The following STAU2 variants were observed in gnomAD, a reference collection of about 807,000 sequenced individuals.
The protein encoded by STAU2 is staufen double-stranded RNA binding protein 2, also known as double-stranded RNA-binding protein Staufen homolog 2.
Under a neutral mutation model 65.9 loss-of-function variants are expected in STAU2, and 20 were observed. That is an observed-to-expected ratio of 0.30 (90% CI 0.21 to 0.44). STAU2 has a LOEUF of 0.44. STAU2 is among the 20% of genes least tolerant of loss of function. The pLI is 1.00. For missense variants in STAU2, 558 were observed against 683.9 expected (o/e 0.82, Z 2.05); for synonymous variants, 232 against 233.9 (o/e 0.99, Z 0.07).
At chr8:73,456,614 G>C (rs554891437) in intron 13 of STAU2, among the ~76,000 whole-genome samples, 15 of 152,266 alleles carry the variant, frequency 9.9e-5, no homozygotes, top group Non-Finnish European at 2.1e-4. Flanking sequence ...GAACGAGCAT[G>C]GGGCCCATAT....
At chr8:73,740,963 C>A (rs1323909976) in intron 1 of STAU2, among the ~76,000 whole-genome samples, 2 of 149,712 alleles carry the variant, frequency 1.3e-5, no homozygotes, top group Non-Finnish European at 3.0e-5. Flanking sequence ...CAAGATCATG[C>A]CACTGCACTC....
At chr8:73,742,139 C>A in intron 1 of STAU2, 1 of 902,588 alleles carries the variant, frequency 1.1e-6, no homozygotes, top group Non-Finnish European at 1.3e-6. Context: ...ACTTTAAAGA[C>A]ACGCCCAGTC....
chr8:73,710,003 A>G lies in STAU2; in HGVS notation c.-17-841T>C, dbSNP rs144085685. Among the ~76,000 whole-genome samples the G allele has an allele frequency of 2.0e-5, 3 of 152,144 alleles. No individual in the cohort carries two copies. The East Asian group carries it at 5.8e-4, about 29-fold the overall frequency. ...TTAACTACCATAGAATTTCTTTTAC[A>G]ATATTGCACCAGTTTTTTTATCCAC... On this transcript the variant is annotated intron_variant, in intron 3 of 14. Coordinates refer to ENST00000524300, the MANE Select transcript of STAU2 (RefSeq NM_001164380.2).
intron 6 of STAU2, among the ~76,000 whole-genome samples, chr8:73,624,281 C>T (rs1659898550): frequency 6.6e-6 from 1 of 152,134 alleles, no homozygotes; most frequent in Admixed American, 6.5e-5. Context: ...GTAACTTGTA[C>T]TGTATCACTG....
chr8:73,494,675 T>C (rs542620674), intron 13 of STAU2, among the ~76,000 whole-genome samples: 1 of 151,780 alleles, frequency 6.6e-6, no homozygotes, highest in South Asian at 2.1e-4. Flanking sequence ...TTTTAGACAA[T>C]ATGAAAGTAC....
chr8:73,525,922 C>G (rs1019053531), intron 13 of STAU2, among the ~76,000 whole-genome samples: 1 of 152,162 alleles, frequency 6.6e-6, no homozygotes, highest in Non-Finnish European at 1.5e-5. Flanking sequence ...ATCCTTAGCA[C>G]CTAGCATACA....
intron 13 of STAU2, among the ~76,000 whole-genome samples, chr8:73,502,734 A>G (rs768628550): frequency 6.6e-6 from 1 of 151,872 alleles, no homozygotes; most frequent in Non-Finnish European, 1.5e-5. Context: ...TATATATCTC[A>G]TAGGCCAGTT....
intron 12 of STAU2, among the ~76,000 whole-genome samples, chr8:73,571,132 A>T (rs1283409245): frequency 6.6e-6 from 1 of 152,228 alleles, no homozygotes; most frequent in African/African-American, 2.4e-5. Context: ...ACCAACAAAG[A>T]TCAAAAGAGA....
intron 7 of STAU2, 41 bp downstream of exon 7, chr8:73,617,251 A>G (rs1366215876): frequency 6.3e-7 from 1 of 1,593,818 alleles, no homozygotes; most frequent in Non-Finnish European, 8.5e-7. Flanking sequence ...TTTCACTGGG[A>G]AAGTAGAAAG....
intron 5 of STAU2, among the ~76,000 whole-genome samples, chr8:73,687,485 A>G (rs1236856226): frequency 7.1e-6 from 1 of 141,416 alleles, no homozygotes; most frequent in Non-Finnish European, 1.5e-5. Flanking sequence ...ATAATTATAT[A>G]ATATATAAAA....
chr8:73,514,174 G>T (rs146896588), intron 13 of STAU2, among the ~76,000 whole-genome samples: 539 of 152,130 alleles, frequency 3.5e-3, no homozygotes, highest in African/African-American at 0.012. Context: ...GGTCATCAAG[G>T]CCTGCTGATT....
chr8:73,745,199 G>C (rs778911569), intron 1 of STAU2, among the ~76,000 whole-genome samples: 1 of 152,168 alleles, frequency 6.6e-6, no homozygotes, highest in African/African-American at 2.4e-5. Flanking sequence ...ATTTAATACA[G>C]GCCTGCTGCA....
intron 3 of STAU2, among the ~76,000 whole-genome samples, chr8:73,717,529 T>C (rs10113286): frequency 0.28 from 42,035 of 152,192 alleles, 6,318 homozygotes; most frequent in East Asian, 0.45. Context: ...TCCCACTACA[T>C]TGCCTTTATG....
chr8:73,466,394 G>A (rs970241748), intron 13 of STAU2, among the ~76,000 whole-genome samples: 6 of 152,170 alleles, frequency 3.9e-5, no homozygotes, highest in African/African-American at 9.7e-5. Flanking sequence ...CTTGAGCAAC[G>A]CCTTTCTACC....
intron 13 of STAU2, among the ~76,000 whole-genome samples, chr8:73,520,704 G>A (rs535867113): frequency 2.6e-5 from 4 of 152,328 alleles, no homozygotes; most frequent in Non-Finnish European, 4.4e-5. Flanking sequence ...CCTTCTGGAT[G>A]TGGTTATACT....
intron 6 of STAU2, among the ~76,000 whole-genome samples, chr8:73,621,195 G>A (rs1280838202): frequency 6.6e-6 from 1 of 152,110 alleles, no homozygotes; most frequent in Non-Finnish European, 1.5e-5. Context: ...CCTGGTTGGA[G>A]GTTAAGTGAA....
intron 11 of STAU2, among the ~76,000 whole-genome samples, chr8:73,585,940 C>T (rs1043656492): frequency 6.6e-6 from 1 of 152,178 alleles, no homozygotes; most frequent in Non-Finnish European, 1.5e-5. Flanking sequence ...CCCTTTTACT[C>T]GGTATTCATT....
intron 6 of STAU2, among the ~76,000 whole-genome samples, chr8:73,648,843 G>C (rs1815591285): frequency 6.6e-6 from 1 of 152,150 alleles, no homozygotes; most frequent in Non-Finnish European, 1.5e-5. Flanking sequence ...GTCTCTCTCT[G>C]TTACACAGGC....
At chr8:73,439,093 A>G (rs1186902589) in intron 13 of STAU2, 1 of 453,196 alleles carries the variant, frequency 2.2e-6, no homozygotes, top group South Asian at 1.6e-5. Flanking sequence ...CTCCATGGAC[A>G]GTATTGTGCT....
Sources: gnomAD v4.1 joint callset for allele counts (sites outside exome capture counted in the v4.1 genomes callset) on GRCh38, gnomAD v4.1.1 for gene constraint, MANE v1.5 for transcripts, NCBI Gene and HGNC (gene_info 2026-07-23, HGNC 2026-07-21) for gene names.